KCNMB2: variants seen among roughly 807,000 people sequenced by gnomAD.
KCNMB2 encodes potassium calcium-activated channel subfamily M regulatory beta subunit 2.
A neutral mutation model predicts 24.5 loss-of-function variants in KCNMB2; 9 were observed. That is an observed-to-expected ratio of 0.37 (90% CI 0.22 to 0.64). The LOEUF (loss-of-function observed/expected upper bound fraction) is 0.64. Ranked by LOEUF, KCNMB2 falls within the 30% of genes least tolerant of loss-of-function variation. KCNMB2 has a pLI of 0.63. For synonymous variants in KCNMB2, 109 were observed against 104.4 expected, an observed-to-expected ratio of 1.04 and a Z score of -0.27; for missense variants, 226 against 284.3, an observed-to-expected ratio of 0.79 and a Z score of 1.47.
rs1017439112 is a variant in KCNMB2 at position 178,700,231 on chromosome 3, A to G, written c.-67-107112A>G. Reference sequence around the variant, plus strand: ...ATGCCCATGTTAGTTGCTTATGGATACTAAACTAGCTTAAAAAAATACCAG... The same window carrying G: ...ATGCCCATGTTAGTTGCTTATGGATGCTAAACTAGCTTAAAAAAATACCAG... On this transcript the variant is annotated intron_variant, in intron 1 of 4. Transcript: ENST00000452583. Among the ~76,000 whole-genome samples the G allele has an allele frequency of 5.9e-5, 9 of 152,236 alleles. No individual in the cohort carries two copies. The East Asian group carries it at 1.7e-3, about 29-fold the overall frequency.
At chr3:178,673,614 C>A (rs1354491862) in intron 1 of KCNMB2, among the ~76,000 whole-genome samples, 2 of 152,060 alleles carry the variant, frequency 1.3e-5, no homozygotes, top group African/African-American at 4.8e-5. Context: ...TGCACTGGAG[C>A]CCATGCCCAC....
At chr3:178,757,069 T>C (rs1030739634) in intron 1 of KCNMB2, 1 of 151,516 alleles carries the variant, frequency 6.6e-6, no homozygotes, top group African/African-American at 2.4e-5. Context: ...ATTACACCCA[T>C]CCTTGCTTAC....
intron 1 of KCNMB2, among the ~76,000 whole-genome samples, chr3:178,781,698 G>A (rs546254229): frequency 1.3e-5 from 2 of 151,818 alleles, no homozygotes; most frequent in Non-Finnish European, 2.9e-5. Flanking sequence ...AGGAACAGGG[G>A]GGAGTGATGG....
At chr3:178,815,213 A>G (rs1184942511) in intron 2 of KCNMB2, among the ~76,000 whole-genome samples, 1 of 152,038 alleles carries the variant, frequency 6.6e-6, no homozygotes. Flanking sequence ...ATCGTGATTC[A>G]CTGCAGCCTT....
At chr3:178,830,763 C>A (rs150924812) in intron 4 of KCNMB2, among the ~76,000 whole-genome samples, 1 of 152,138 alleles carries the variant, frequency 6.6e-6, no homozygotes, top group East Asian at 1.9e-4. Flanking sequence ...AAGTTGTTTG[C>A]CCATTTTTCT....
chr3:178,781,723 T>C (rs1039277919), intron 1 of KCNMB2, among the ~76,000 whole-genome samples: 3 of 151,900 alleles, frequency 2.0e-5, no homozygotes, highest in African/African-American at 7.3e-5. Flanking sequence ...CCTCTAGTTT[T>C]CTGGCCTAAA....
intron 1 of KCNMB2, among the ~76,000 whole-genome samples, chr3:178,728,489 A>C (rs1723036472): frequency 6.6e-6 from 1 of 152,152 alleles, no homozygotes; most frequent in Non-Finnish European, 1.5e-5. Flanking sequence ...CAGACAGATT[A>C]CTATTTCTAA....
intron 1 of KCNMB2, among the ~76,000 whole-genome samples, chr3:178,783,350 G>A (rs1447627897): frequency 6.7e-6 from 1 of 148,894 alleles, no homozygotes; most frequent in Non-Finnish European, 1.5e-5. Flanking sequence ...TAGCTTGATG[G>A]GGATGGCATT....
chr3:178,659,747 T>C (rs1485228562), intron 1 of KCNMB2, among the ~76,000 whole-genome samples: 1 of 152,232 alleles, frequency 6.6e-6, no homozygotes, highest in African/African-American at 2.4e-5. Flanking sequence ...CTATTTCATA[T>C]GAAAGTTATG....
At chr3:178,549,925 T>C (rs1255098414) in intron 1 of KCNMB2, among the ~76,000 whole-genome samples, 1 of 152,082 alleles carries the variant, frequency 6.6e-6, no homozygotes, top group Non-Finnish European at 1.5e-5. Context: ...AAAGTATGCA[T>C]ATTTTTTTTT....
intron 1 of KCNMB2, among the ~76,000 whole-genome samples, chr3:178,658,509 G>T (rs1047217878): frequency 2.0e-5 from 3 of 152,178 alleles, no homozygotes; most frequent in Admixed American, 6.6e-5. Flanking sequence ...ACTCCAAGAA[G>T]CTTTTTCTTA....
chr3:178,721,929 T>G (rs570140555), intron 1 of KCNMB2, among the ~76,000 whole-genome samples: 2 of 152,256 alleles, frequency 1.3e-5, no homozygotes, highest in South Asian at 4.1e-4. Flanking sequence ...TTTTGAATTT[T>G]TAGAATTTTT....
At chr3:178,789,422 G>A (rs1364095568) in intron 1 of KCNMB2, among the ~76,000 whole-genome samples, 1 of 152,130 alleles carries the variant, frequency 6.6e-6, no homozygotes, top group East Asian at 1.9e-4. Flanking sequence ...ATCCACACAA[G>A]AAAACACCTT....
intron 1 of KCNMB2, among the ~76,000 whole-genome samples, chr3:178,737,273 A>C (rs1480062802): frequency 1.3e-5 from 2 of 152,208 alleles, no homozygotes; most frequent in African/African-American, 4.8e-5. Flanking sequence ...TGTTTAAAAA[A>C]AAAAAAATTG....
Position 178,583,590 on chromosome 3 carries a change from G to C in KCNMB2, c.-68+46879G>C, listed in dbSNP as rs1221279209. Among the ~76,000 whole-genome samples the C allele has an allele frequency of 2.6e-5, 4 of 152,092 alleles. No individual in the cohort carries two copies. In the East Asian group the frequency reaches 7.7e-4, roughly 29 times the overall value. The stretch of plus-strand genomic sequence containing the variant: ...GGATCTTTTACAATGATGTCCTCAA[G>C]AAGATAGAATTTAAAAGCAGAATAA... On this transcript the variant is annotated intron_variant, in intron 1 of 4. Coordinates refer to ENST00000452583, the MANE Select transcript of KCNMB2 (RefSeq NM_181361.3).
chr3:178,693,873 C>A (rs1235083463), intron 1 of KCNMB2, among the ~76,000 whole-genome samples: 1 of 138,020 alleles, frequency 7.2e-6, no homozygotes, highest in African/African-American at 2.9e-5. Context: ...CCATCTGGTC[C>A]TGGGCTTTTT....
intron 2 of KCNMB2, among the ~76,000 whole-genome samples, chr3:178,819,734 G>T (rs1714553231): frequency 2.0e-5 from 3 of 152,064 alleles, no homozygotes; most frequent in Non-Finnish European, 4.4e-5. Context: ...CCATCAAAGT[G>T]GTCATAATGT....
chr3:178,773,154 T>TA (rs1448672979), intron 1 of KCNMB2, among the ~76,000 whole-genome samples: 1 of 152,156 alleles, frequency 6.6e-6, no homozygotes, highest in Non-Finnish European at 1.5e-5. Flanking sequence ...CGGCAACTCT[T>TA]TACTGAGTTA....
chr3:178,771,832 C>T (rs1712381126), intron 1 of KCNMB2, among the ~76,000 whole-genome samples: 1 of 152,052 alleles, frequency 6.6e-6, no homozygotes, highest in Non-Finnish European at 1.5e-5. Flanking sequence ...ATGGCCAGAT[C>T]CCTTATTTAT....
Sources: gnomAD v4.1 joint callset for allele counts (sites outside exome capture counted in the v4.1 genomes callset) on GRCh38, gnomAD v4.1.1 for gene constraint, MANE v1.5 for transcripts, NCBI Gene and HGNC (gene_info 2026-07-23, HGNC 2026-07-21) for gene names.